Variants in GRM7 observed in about 807,000 individuals in gnomAD.
GRM7 encodes metabotropic glutamate receptor 7.
A neutral mutation model predicts 84.5 loss-of-function variants in GRM7; 35 were observed. The observed-to-expected ratio is 0.41, with a 90% CI of 0.32 to 0.55. GRM7 has a LOEUF of 0.55. GRM7 is among the 20% of genes least tolerant of loss of function. The probability of loss-of-function intolerance (pLI) is 0.19; values close to 1 mark genes in which losing one functional copy is unlikely to be tolerated. For synonymous variants in GRM7, 487 were observed against 455.1 expected (o/e 1.07, Z -0.89); for missense variants, 1,003 against 1,194.6 (o/e 0.84, Z 2.36).
intron 9 of GRM7, among the ~76,000 whole-genome samples, chr3:7,738,619 C>T (rs1232381292): frequency 6.6e-6 from 1 of 151,884 alleles, no homozygotes; most frequent in African/African-American, 2.4e-5. Context: ...TAAGGAAATT[C>T]ATTTTTGTTT....
At chr3:7,481,910 G>A (rs916508622) in intron 7 of GRM7, among the ~76,000 whole-genome samples, 5 of 152,158 alleles carry the variant, frequency 3.3e-5, no homozygotes, top group Admixed American at 6.5e-5. Context: ...TATTTCAGCC[G>A]GGTGCAGTGA....
chr3:7,525,075 T>G, intron 7 of GRM7, among the ~76,000 whole-genome samples: 3 of 141,732 alleles, frequency 2.1e-5, no homozygotes, highest in Admixed American at 7.5e-5. Flanking sequence ...TGAGAACACA[T>G]GGACACAGGA....
intron 7 of GRM7, among the ~76,000 whole-genome samples, chr3:7,565,671 T>A (rs1694224711): frequency 1.3e-5 from 2 of 152,174 alleles, no homozygotes; most frequent in African/African-American, 4.8e-5. Context: ...ATTGATGATA[T>A]TAACCGAAAG....
At chr3:7,572,193 T>C (rs1694695543) in intron 7 of GRM7, among the ~76,000 whole-genome samples, 2 of 152,310 alleles carry the variant, frequency 1.3e-5, no homozygotes, top group African/African-American at 4.8e-5. Context: ...TTCTTCTGCA[T>C]TCCAGCCTTT....
At chr3:7,015,876 T>A (rs1472595597) in intron 1 of GRM7, among the ~76,000 whole-genome samples, 4 of 152,210 alleles carry the variant, frequency 2.6e-5, no homozygotes, top group Non-Finnish European at 4.4e-5. Context: ...AAGTCATGCA[T>A]GTTACTCCTA....
At chr3:7,737,442 A>G (rs1289716543) in intron 9 of GRM7, among the ~76,000 whole-genome samples, 2 of 152,364 alleles carry the variant, frequency 1.3e-5, no homozygotes, top group Admixed American at 6.5e-5. Context: ...AATAAAAAGT[A>G]TATTTCCTTA....
intron 7 of GRM7, among the ~76,000 whole-genome samples, chr3:7,478,017 T>C (rs1177046119): frequency 6.6e-6 from 1 of 152,104 alleles, no homozygotes; most frequent in Non-Finnish European, 1.5e-5. Context: ...TGTGAGTGGA[T>C]TTTTTTGAAT....
intron 2 of GRM7, among the ~76,000 whole-genome samples, chr3:7,166,824 C>A (rs1482597785): frequency 1.3e-5 from 2 of 152,106 alleles, no homozygotes; most frequent in African/African-American, 4.8e-5. Flanking sequence ...CTGCTTACTT[C>A]TTTATTAATA....
intron 4 of GRM7, among the ~76,000 whole-genome samples, chr3:7,330,736 A>G (rs1238057743): frequency 1.3e-5 from 2 of 152,184 alleles, no homozygotes; most frequent in Non-Finnish European, 2.9e-5. Context: ...ACGTGAGTTC[A>G]TTAAAACTCT....
At chr3:7,703,924 A>C (rs1225815643) in intron 9 of GRM7, among the ~76,000 whole-genome samples, 2 of 152,204 alleles carry the variant, frequency 1.3e-5, no homozygotes, top group East Asian at 3.9e-4. Context: ...GTCCCTTCAT[A>C]CTATCTTGTC....
intron 7 of GRM7, among the ~76,000 whole-genome samples, chr3:7,507,639 C>G (rs1421562399): frequency 6.6e-6 from 1 of 152,146 alleles, no homozygotes; most frequent in African/African-American, 2.4e-5. Context: ...TTTTGATATT[C>G]AAGACACAGT....
At chr3:7,568,254 G>C (rs1307075801) in intron 7 of GRM7, among the ~76,000 whole-genome samples, 1 of 151,714 alleles carries the variant, frequency 6.6e-6, no homozygotes, top group Non-Finnish European at 1.5e-5. Context: ...AAGAATTAAA[G>C]ACAAGATGTA....
chr3:7,671,960 A>G (rs1424092344), intron 8 of GRM7, among the ~76,000 whole-genome samples: 1 of 152,130 alleles, frequency 6.6e-6, no homozygotes, highest in African/African-American at 2.4e-5. Context: ...GAGGTAAAGA[A>G]ACTTGCCCAA....
At chr3:7,006,159 A>T (rs561743354) in intron 1 of GRM7, among the ~76,000 whole-genome samples, 1 of 152,270 alleles carries the variant, frequency 6.6e-6, no homozygotes, top group South Asian at 2.1e-4. Context: ...CTTTCCATCT[A>T]TATTTTGAAA....
intron 1 of GRM7, among the ~76,000 whole-genome samples, chr3:7,141,655 G>T (rs1166172184): frequency 6.6e-6 from 1 of 151,646 alleles, no homozygotes; most frequent in Admixed American, 6.6e-5. Flanking sequence ...TGAAGAGGGA[G>T]TATGCTACAA....
chr3:7,656,376 G>A (rs1231970812), intron 8 of GRM7, among the ~76,000 whole-genome samples: 3 of 151,882 alleles, frequency 2.0e-5, no homozygotes. Flanking sequence ...TGCACCTGTA[G>A]TCCCAGCTAC....
At chr3:7,366,451 G>T (rs1034521146) in intron 4 of GRM7, among the ~76,000 whole-genome samples, 1 of 151,764 alleles carries the variant, frequency 6.6e-6, no homozygotes, top group Non-Finnish European at 1.5e-5. Flanking sequence ...AGAAGCAGAG[G>T]TCCTCTCAAT....
At chr3:7,356,238 A>G (rs944940949) in intron 4 of GRM7, among the ~76,000 whole-genome samples, 1 of 152,056 alleles carries the variant, frequency 6.6e-6, no homozygotes, top group Non-Finnish European at 1.5e-5. Flanking sequence ...TGGGCAAAAG[A>G]TGTGAAGGTA....
At position 7,538,748 on chromosome 3, in the gene GRM7, G is replaced by A. The variant is rs533790063; in HGVS notation, c.1516-39674G>A. On this transcript the variant is annotated intron_variant, in intron 7 of 9. Coordinates refer to ENST00000357716, the MANE Select transcript of GRM7 (RefSeq NM_000844.4). ...ATGTACAACTAAACACAGTTTAATC[G>A]GTTTTTGAAGATTCAGAAGGCATAT... is the stretch of plus-strand genomic sequence containing the variant. 2.6e-5 allele frequency among the ~76,000 whole-genome samples: 4 copies of A among 152,224 alleles called. No homozygotes were observed. In the South Asian group the frequency reaches 6.2e-4, roughly 24 times the overall value.
Sources: allele counts gnomAD v4.1 joint callset (sites outside exome capture counted in the v4.1 genomes callset), GRCh38; gene constraint gnomAD v4.1.1; transcripts MANE v1.5; gene names NCBI Gene and HGNC (gene_info 2026-07-23, HGNC 2026-07-21).